The following MTCL1 variants were observed in gnomAD, a reference collection of about 807,000 sequenced individuals.
MTCL1 encodes microtubule cross-linking factor 1.
Under a neutral mutation model 141.4 loss-of-function variants are expected in MTCL1, and 79 were observed. That is an observed-to-expected ratio of 0.56 (90% CI 0.47 to 0.67). The LOEUF (loss-of-function observed/expected upper bound fraction) is 0.67, where lower values mean the gene tolerates loss of function less well. Ranked by LOEUF, MTCL1 falls within the 30% of genes least tolerant of loss-of-function variation. The pLI is 0.00. For synonymous variants in MTCL1, 914 were observed against 875.8 expected, an observed-to-expected ratio of 1.04 and a Z score of -0.77; for missense variants, 2,177 against 2,113.9, an observed-to-expected ratio of 1.03 and a Z score of -0.59.
intron 4 of MTCL1, among the ~76,000 whole-genome samples, chr18:8,754,238 T>C (rs2096386187): frequency 6.6e-6 from 1 of 152,132 alleles, no homozygotes; most frequent in Non-Finnish European, 1.5e-5. Flanking sequence ...GCCTGGCTAA[T>C]TTTTGTAATT....
At chr18:8,800,629 G>T (rs905915356) in intron 10 of MTCL1, 2 of 152,274 alleles carry the variant, frequency 1.3e-5, no homozygotes, top group East Asian at 3.8e-4. Context: ...AAGAGCAGAG[G>T]CTGCGCACAC....
chr18:8,738,756 C>G (rs2096286390), intron 4 of MTCL1, among the ~76,000 whole-genome samples: 1 of 152,162 alleles, frequency 6.6e-6, no homozygotes, highest in African/African-American at 2.4e-5. Context: ...TCACAGAGTC[C>G]TTCTTGGCTA....
At chr18:8,786,713 C>T (rs565670926) in intron 7 of MTCL1, 17 of 234,128 alleles carry the variant, frequency 7.3e-5, no homozygotes, top group East Asian at 4.6e-4. Context: ...GGTCACCCGA[C>T]CCGGGACAGA....
intron 16 of MTCL1, chr18:8,829,130 G>C: frequency 1.0e-6 from 1 of 985,462 alleles, no homozygotes; most frequent in Non-Finnish European, 1.2e-6. Flanking sequence ...GATTGATAAG[G>C]CCAGAGACTC....
chr18:8,743,986 A>G (rs2096320171), intron 4 of MTCL1, among the ~76,000 whole-genome samples: 1 of 152,224 alleles, frequency 6.6e-6, no homozygotes, highest in Admixed American at 6.5e-5. Context: ...AGGGCATACC[A>G]TTTATTCTGC....
chr18:8,763,118 T>C (rs551626297), intron 4 of MTCL1, among the ~76,000 whole-genome samples: 86 of 152,348 alleles, frequency 5.6e-4, no homozygotes, highest in Non-Finnish European at 1.1e-3. Flanking sequence ...ATTGATAACA[T>C]GTCCCATGTC....
At chr18:8,788,208 G>A (rs1366000957) in intron 7 of MTCL1, among the ~76,000 whole-genome samples, 1 of 152,110 alleles carries the variant, frequency 6.6e-6, no homozygotes, top group Non-Finnish European at 1.5e-5. Context: ...TGCAGACTGA[G>A]GCAGGGCTGG....
chr18:8,783,240 A>G (rs1598633513), intron 5 of MTCL1, among the ~76,000 whole-genome samples: 2 of 149,786 alleles, frequency 1.3e-5, no homozygotes, highest in African/African-American at 2.4e-5. Context: ...CATAACTTGT[A>G]TGATGGTTTC....
chr18:8,793,197 T>A, intron 8 of MTCL1, 77 bp downstream of exon 7: 9 of 1,579,796 alleles, frequency 5.7e-6, no homozygotes, highest in Non-Finnish European at 7.8e-6. Flanking sequence ...ACGATACATT[T>A]TCAAAGAAGG....
intron 11 of MTCL1, chr18:8,809,329 C>A: frequency 8.0e-7 from 1 of 1,255,882 alleles, no homozygotes; most frequent in Non-Finnish European, 1.1e-6. Context: ...TAAAATTTAG[C>A]ATGTCCTCCG....
rs141792879 is a variant in MTCL1 at position 8,798,630 on chromosome 18, G to A, written c.2436+339G>A. ...AACATCATTCGTTTGGCAGCATAAC[G>A]TACAAGGAGCAAAGGACACGTTTTA... On this transcript the variant is annotated intron_variant, in intron 10 of 16. Coordinates refer to ENST00000359865, the Ensembl canonical transcript of MTCL1. Among the ~76,000 whole-genome samples, 211 of 152,246 alleles carry A rather than the reference G, an allele frequency of 1.4e-3. 1 individual carries two copies. Among genetic ancestry groups the A allele is most frequent in the African/African-American group, 3.4e-3 (140 of 41,528 alleles).
At chr18:8,771,250 A>G (rs1261145175) in intron 4 of MTCL1, among the ~76,000 whole-genome samples, 1 of 152,080 alleles carries the variant, frequency 6.6e-6, no homozygotes, top group African/African-American at 2.4e-5. Context: ...CAGCCTCCCA[A>G]AGTGCTGGGA....
chr18:8,707,871 C>A (rs1282731565), intron 1 of MTCL1, among the ~76,000 whole-genome samples: 1 of 152,202 alleles, frequency 6.6e-6, no homozygotes, highest in East Asian at 1.9e-4. Context: ...ACATTAACTG[C>A]TGGGTGATCT....
chr18:8,823,702 T>G (rs995714969), intron 14 of MTCL1, among the ~76,000 whole-genome samples: 5 of 152,250 alleles, frequency 3.3e-5, no homozygotes, highest in Non-Finnish European at 4.4e-5. Context: ...CCTGCTGTTT[T>G]ACCCCGTGGT....
At chr18:8,778,952 G>A (rs1253947859) in intron 5 of MTCL1, among the ~76,000 whole-genome samples, 4 of 152,330 alleles carry the variant, frequency 2.6e-5, no homozygotes, top group African/African-American at 9.6e-5. Flanking sequence ...CCTTGGGCGC[G>A]TGTCAGAAAC....
chr18:8,779,314 T>C lies in MTCL1; in HGVS notation c.417+1422T>C, dbSNP rs1272761035. ...CAGGAATCGTGTGTCATATGGAAAGTTGGACTTGACCTACTTTCATACCAC... is the reference window on the plus strand; with the variant it reads ...CAGGAATCGTGTGTCATATGGAAAGCTGGACTTGACCTACTTTCATACCAC... On this transcript the variant is annotated intron_variant, in intron 5 of 16. Coordinates refer to ENST00000359865, the Ensembl canonical transcript of MTCL1. This position sits in a 1 kb window ranked among gnomAD's most constrained non-coding sequence, Gnocchi z 4.1. 6.6e-6 allele frequency among the ~76,000 whole-genome samples: 1 copy of C among 152,180 alleles called. No homozygotes were observed. Among genetic ancestry groups the C allele is most frequent in the Admixed American group, 6.5e-5 (1 of 15,276 alleles).
chr18:8,827,167 C>T (rs1460409886), intron 15 of MTCL1, among the ~76,000 whole-genome samples: 2 of 152,224 alleles, frequency 1.3e-5, no homozygotes, highest in Admixed American at 6.5e-5. Flanking sequence ...CCGCAGATGG[C>T]GGGGGTCAGA....
intron 11 of MTCL1, among the ~76,000 whole-genome samples, chr18:8,811,808 T>G (rs527991295): frequency 1.3e-5 from 2 of 152,312 alleles, no homozygotes; most frequent in South Asian, 2.1e-4. Flanking sequence ...TGAAAGGCCT[T>G]CCTTTGAAAA....
At chr18:8,740,041 TAAAGAGGA>T (rs1199495872) in intron 4 of MTCL1, among the ~76,000 whole-genome samples, 1 of 152,184 alleles carries the variant, frequency 6.6e-6, no homozygotes, top group South Asian at 2.1e-4. Flanking sequence ...AAGGAGATTG[TAAAGAGGA>T]AAAGAGGAAA....
Sources: gnomAD v4.1 joint callset for allele counts (sites outside exome capture counted in the v4.1 genomes callset) on GRCh38, gnomAD v4.1.1 for gene constraint, Gnocchi (gnomAD v3.1) non-coding constraint, MANE v1.5 for transcripts, NCBI Gene and HGNC (gene_info 2026-07-23, HGNC 2026-07-21) for gene names.